NDRG3: variants seen among roughly 807,000 people sequenced by gnomAD.
NDRG3 encodes the protein NDRG family member 3.
NDRG3 carries 23 observed loss-of-function variants against 57.2 expected under a neutral mutation model. The ratio of observed to expected loss-of-function variants is 0.40; its 90% CI spans 0.29 to 0.57. The LOEUF (loss-of-function observed/expected upper bound fraction) is 0.57, where lower values mean the gene tolerates loss of function less well. NDRG3 is among the 20% of genes least tolerant of loss of function. The probability of loss-of-function intolerance (pLI) is 0.42; values close to 1 mark genes in which losing one functional copy is unlikely to be tolerated. For missense variants in NDRG3, 384 were observed against 457.3 expected, an observed-to-expected ratio of 0.84 and a Z score of 1.46; for synonymous variants, 132 against 162.6, an observed-to-expected ratio of 0.81 and a Z score of 1.43.
intron 1 of NDRG3, among the ~76,000 whole-genome samples, chr20:36,739,134 CAAAAAAAAA>C (rs57208101): frequency 5.7e-5 from 5 of 87,314 alleles, no homozygotes; most frequent in African/African-American, 2.8e-4. Flanking sequence ...GACCCCATCT[CAAAAAAAAA>C]AAAAAAAAAA....
intron 12 of NDRG3, among the ~76,000 whole-genome samples, chr20:36,661,664 G>C (rs1034030772): frequency 6.6e-6 from 1 of 152,220 alleles, no homozygotes; most frequent in African/African-American, 2.4e-5. Flanking sequence ...AGGTGAGGTA[G>C]ACTGAAAGTG....
At chr20:36,663,675 T>C (rs1979387955) in intron 12 of NDRG3, among the ~76,000 whole-genome samples, 2 of 152,242 alleles carry the variant, frequency 1.3e-5, no homozygotes, top group African/African-American at 4.8e-5. Context: ...GAAAGGAACC[T>C]GGCAAAATGT....
chr20:36,685,265 ATAG>A (rs1329094960), intron 5 of NDRG3, among the ~76,000 whole-genome samples: 7 of 151,920 alleles, frequency 4.6e-5, no homozygotes, highest in Non-Finnish European at 7.4e-5. Flanking sequence ...TCACTTAGGC[ATAG>A]AATAACATAG....
intron 1 of NDRG3, among the ~76,000 whole-genome samples, chr20:36,736,953 G>A (rs1353378152): frequency 1.3e-5 from 2 of 152,000 alleles, no homozygotes; most frequent in Non-Finnish European, 2.9e-5. Flanking sequence ...CCTAGATAAG[G>A]GCCATTCACA....
At chr20:36,682,053 A>G (rs1981350805) in intron 7 of NDRG3, among the ~76,000 whole-genome samples, 1 of 152,240 alleles carries the variant, frequency 6.6e-6, no homozygotes, top group Non-Finnish European at 1.5e-5. Context: ...AGAAAATTTG[A>G]TAAGCAGAGA....
chr20:36,724,572 C>T lies in NDRG3; in HGVS notation c.-48-2789G>A, dbSNP rs80326904. On this transcript the variant is annotated intron_variant, in intron 1 of 15. Coordinates refer to ENST00000349004, the MANE Select transcript of NDRG3 (RefSeq NM_032013.4). The stretch of plus-strand genomic sequence containing the variant: ...CCATGTTTGTTTATTAATAACACTA[C>T]AAACTGTGGCTACTTTTTATTTGAA... 3.9e-3 allele frequency among the ~76,000 whole-genome samples: 591 copies of T among 152,310 alleles called. 7 individuals carry two copies. Among genetic ancestry groups the T allele is most frequent in the African/African-American group, 0.013 (544 of 41,560 alleles).
chr20:36,707,074 C>T (rs1983590621), intron 2 of NDRG3, 67 bp from the exon 3 acceptor site: 1 of 1,431,444 alleles, frequency 7.0e-7, no homozygotes, highest in African/African-American at 1.4e-5. Flanking sequence ...GCAGCACATT[C>T]AGTTCACAGT....
intron 7 of NDRG3, 145 bp from the exon 8 acceptor site, chr20:36,681,047 A>G: frequency 1.6e-6 from 1 of 629,594 alleles, no homozygotes; most frequent in Non-Finnish European, 2.7e-6. Flanking sequence ...GAACATGTGG[A>G]AAAATAGCTC....
chr20:36,681,633 C>T (rs13038308), intron 7 of NDRG3, among the ~76,000 whole-genome samples: 1 of 127,500 alleles, frequency 7.8e-6, no homozygotes, highest in African/African-American at 3.3e-5. Flanking sequence ...AAGACTTCAT[C>T]TCAAAAAAAA....
chr20:36,660,861 G>A lies in NDRG3; in HGVS notation c.811-477C>T, dbSNP rs1367899970. Among the ~76,000 whole-genome samples the A allele has an allele frequency of 3.3e-5, 5 of 152,126 alleles. No individual in the cohort carries two copies. The East Asian group carries it at 9.7e-4, about 29-fold the overall frequency. ...AGGCGTGAGCCACCGCGCCCGGCCC[G>A]GGAGATATATTTATATGATATACTT... On this transcript the variant is annotated intron_variant, in intron 12 of 15. Transcript: ENST00000349004.
At chr20:36,688,317 G>A (rs959171650) in intron 4 of NDRG3, among the ~76,000 whole-genome samples, 2 of 151,798 alleles carry the variant, frequency 1.3e-5, no homozygotes, top group African/African-American at 4.8e-5. Flanking sequence ...CTAATTCATT[G>A]AAGAGCTCAC....
At chr20:36,738,626 A>T (rs148316982) in intron 1 of NDRG3, among the ~76,000 whole-genome samples, 9 of 139,672 alleles carry the variant, frequency 6.4e-5, no homozygotes, top group Non-Finnish European at 1.4e-4. Flanking sequence ...AGTTTGAGAC[A>T]AGCCTGGCCA....
In NDRG3 at chr20:36,652,389, G is replaced by A. The variant is rs909048595; in HGVS notation, c.*1131C>T. On this transcript the variant is annotated 3_prime_UTR_variant, in exon 16 of 16. Transcript: ENST00000349004. ...GTTTGCGCCATTGCACTCCAGCCTG[G>A]GTAACAGCGAGACTCTGTCTCAAAA... is the stretch of plus-strand genomic sequence containing the variant. The A allele has an allele frequency of 5.9e-5, 9 of 151,408 alleles. No individual in the cohort carries two copies. Among genetic ancestry groups the A allele is most frequent in the African/African-American group, 2.4e-5 (1 of 40,968 alleles). The allele number at this position is 151,408 out of a possible 1,614,324, so 9.4% of individuals were successfully genotyped here.
intron 13 of NDRG3, among the ~76,000 whole-genome samples, chr20:36,658,008 T>C (rs1447455872): frequency 6.6e-6 from 1 of 152,196 alleles, no homozygotes; most frequent in East Asian, 1.9e-4. Flanking sequence ...CTCTATTCTA[T>C]GGTGTTGTAG....
intron 3 of NDRG3, among the ~76,000 whole-genome samples, chr20:36,698,060 G>A (rs562683015): frequency 6.6e-6 from 1 of 150,712 alleles, no homozygotes; most frequent in African/African-American, 2.4e-5. Context: ...CCACTTCCTG[G>A]GTTCAAGTGA....
At chr20:36,715,219 G>A (rs997329183) in intron 2 of NDRG3, among the ~76,000 whole-genome samples, 10 of 151,016 alleles carry the variant, frequency 6.6e-5, no homozygotes, top group Non-Finnish European at 1.0e-4. Context: ...AAAATCCCAT[G>A]GGCACTCTGC....
intron 1 of NDRG3, among the ~76,000 whole-genome samples, chr20:36,730,933 G>A (rs11699370): frequency 6.9e-6 from 1 of 144,646 alleles, no homozygotes; most frequent in Non-Finnish European, 1.5e-5. Flanking sequence ...GGGAGATGCT[G>A]TCTCGAAAAA....
intron 1 of NDRG3, among the ~76,000 whole-genome samples, chr20:36,736,560 C>T (rs893567911): frequency 6.6e-6 from 1 of 152,166 alleles, no homozygotes; most frequent in African/African-American, 2.4e-5. Context: ...TAAGTTTCCT[C>T]AGGGTTAAAG....
chr20:36,681,472 C>A (rs1365240839), intron 7 of NDRG3, among the ~76,000 whole-genome samples: 1 of 151,666 alleles, frequency 6.6e-6, no homozygotes, highest in Non-Finnish European at 1.5e-5. Context: ...CCCATGTCTA[C>A]TAAAAATGCA....
Sources: allele counts gnomAD v4.1 joint callset (sites outside exome capture counted in the v4.1 genomes callset), GRCh38; gene constraint gnomAD v4.1.1; transcripts MANE v1.5; gene names NCBI Gene and HGNC (gene_info 2026-07-23, HGNC 2026-07-21).